SULF1: variants seen among roughly 807,000 people sequenced by gnomAD.
SULF1 encodes extracellular sulfatase Sulf-1.
Under a neutral mutation model 110.5 loss-of-function variants are expected in SULF1, and 46 were observed. The observed-to-expected ratio is 0.42, with a 90% CI of 0.33 to 0.53. The LOEUF is 0.53. Ranked by LOEUF, SULF1 falls within the 20% of genes least tolerant of loss-of-function variation. The probability of loss-of-function intolerance (pLI) is 0.12; values close to 1 mark genes in which losing one functional copy is unlikely to be tolerated. For missense variants in SULF1, 941 were observed against 1,094.2 expected, an observed-to-expected ratio of 0.86 and a Z score of 1.98; for synonymous variants, 371 against 387.1, an observed-to-expected ratio of 0.96 and a Z score of 0.49.
At chr8:69,541,155 T>A (rs1470099841) in intron 3 of SULF1, among the ~76,000 whole-genome samples, 3 of 152,116 alleles carry the variant, frequency 2.0e-5, no homozygotes, top group Admixed American at 6.5e-5. Context: ...GGATAATGTC[T>A]CCAGGCCTAT....
rs1266286545 is a variant in SULF1 at position 69,630,762 on chromosome 8, A to G, written c.2284+1083A>G. Reference sequence around the variant, plus strand: ...GTACAGGTAGAAAAAAAAGAAAGTAAATGAAACAAAATAATTATGAGTTGT... The same window carrying G: ...GTACAGGTAGAAAAAAAAGAAAGTAGATGAAACAAAATAATTATGAGTTGT... On this transcript the variant is annotated intron_variant, in intron 19 of 22. Coordinates refer to ENST00000402687, the MANE Select transcript of SULF1 (RefSeq NM_001128205.2). Among the ~76,000 whole-genome samples the G allele has an allele frequency of 7.2e-5, 11 of 152,362 alleles. No homozygotes were observed. The South Asian group carries it at 1.9e-3, about 26-fold the overall frequency.
At chr8:69,517,029 C>A (rs1394528518) in intron 3 of SULF1, among the ~76,000 whole-genome samples, 1 of 152,048 alleles carries the variant, frequency 6.6e-6, no homozygotes, top group East Asian at 1.9e-4. Context: ...TAATAGGATA[C>A]CATAGATTAA....
rs530403493 is a variant in SULF1 at position 69,496,217 on chromosome 8, T to C, written c.-229+291T>C. Among the ~76,000 whole-genome samples the C allele has an allele frequency of 2.0e-5, 3 of 152,380 alleles. No homozygotes were observed. The East Asian group carries it at 5.8e-4, about 29-fold the overall frequency. On this transcript the variant is annotated intron_variant, in intron 2 of 22. Transcript: ENST00000402687. ...AAAAGGGGCTTAGCCCCAGACTTTA[T>C]GGCTAGTCTTGCAAAGTGGTATAAT...
intron 7 of SULF1, among the ~76,000 whole-genome samples, chr8:69,588,706 CT>C (rs1024771536): frequency 8.6e-5 from 13 of 151,706 alleles, no homozygotes; most frequent in South Asian, 2.1e-4. Context: ...CACGACTTGA[CT>C]TTTTTTTTCC....
chr8:69,487,522 C>T (rs1412374407), intron 1 of SULF1, among the ~76,000 whole-genome samples: 1 of 152,180 alleles, frequency 6.6e-6, no homozygotes, highest in Non-Finnish European at 1.5e-5. Flanking sequence ...TTAATGAGGA[C>T]TATTTGTTGC....
Position 69,610,847 on chromosome 8 carries a change from T to A in SULF1, c.1377+5915T>A, listed in dbSNP as rs544442337. On this transcript the variant is annotated intron_variant, in intron 13 of 22. Transcript: ENST00000402687. ...ATGTTTCTTAAATGTTACATGTGAA[T>A]CCCACTTTCTCACTTGCATGGAGGT... Among the ~76,000 whole-genome samples the A allele has an allele frequency of 2.0e-5, 3 of 152,320 alleles. No homozygotes were observed. The South Asian group carries it at 6.2e-4, about 32-fold the overall frequency.
In SULF1 at chr8:69,538,751, G is replaced by A. The variant is rs538940942; in HGVS notation, c.-133-24788G>A. Reference sequence around the variant, plus strand: ...TCTGTCACCCAGGCTGAAGTGCAATGGTGCAATCTTGGCTCACTACAACCT... The same window carrying A: ...TCTGTCACCCAGGCTGAAGTGCAATAGTGCAATCTTGGCTCACTACAACCT... On this transcript the variant is annotated intron_variant, in intron 3 of 22. Coordinates refer to ENST00000402687, the MANE Select transcript of SULF1 (RefSeq NM_001128205.2). 2.0e-5 allele frequency among the ~76,000 whole-genome samples: 3 copies of A among 151,942 alleles called. No homozygotes were observed. The East Asian group carries it at 5.8e-4, about 29-fold the overall frequency.
chr8:69,629,381 A>G, intron 18 of SULF1, 123 bp from the exon 19 acceptor site: 2 of 995,804 alleles, frequency 2.0e-6, no homozygotes, highest in South Asian at 1.8e-5. Flanking sequence ...ATACAAAATG[A>G]AGGTCGTCCA....
intron 3 of SULF1, among the ~76,000 whole-genome samples, chr8:69,541,090 G>A (rs996764360): frequency 2.0e-5 from 3 of 152,144 alleles, no homozygotes; most frequent in African/African-American, 7.2e-5. Flanking sequence ...GGGTTTGGGA[G>A]AAGCATGATG....
At chr8:69,579,231 C>A (rs1805877846) in intron 6 of SULF1, among the ~76,000 whole-genome samples, 1 of 144,510 alleles carries the variant, frequency 6.9e-6, no homozygotes, top group South Asian at 2.3e-4. Flanking sequence ...GAAAACAAAT[C>A]TAGATTTGCC....
chr8:69,535,624 A>C (rs1813383069), intron 3 of SULF1, among the ~76,000 whole-genome samples: 1 of 152,140 alleles, frequency 6.6e-6, no homozygotes, highest in Non-Finnish European at 1.5e-5. Context: ...TTTCTGGATT[A>C]ATATAAAATC....
intron 2 of SULF1, among the ~76,000 whole-genome samples, chr8:69,501,649 G>A (rs1250606030): frequency 6.6e-6 from 1 of 152,162 alleles, no homozygotes; most frequent in Admixed American, 6.5e-5. Flanking sequence ...TCTTTTCCTT[G>A]TTGGAGAAGC....
chr8:69,559,372 C>T (rs78782048), intron 3 of SULF1, among the ~76,000 whole-genome samples: 21 of 152,206 alleles, frequency 1.4e-4, no homozygotes, highest in African/African-American at 4.3e-4. Context: ...CTGAACTATG[C>T]GAATATTCTA....
intron 3 of SULF1, among the ~76,000 whole-genome samples, chr8:69,553,289 T>G (rs1814860892): frequency 6.6e-6 from 1 of 152,262 alleles, no homozygotes; most frequent in East Asian, 1.9e-4. Flanking sequence ...AAGGATATGC[T>G]GTATGCAAGA....
chr8:69,627,001 G>A (rs1810124904), intron 15 of SULF1, among the ~76,000 whole-genome samples: 1 of 152,238 alleles, frequency 6.6e-6, no homozygotes, highest in Non-Finnish European at 1.5e-5. Flanking sequence ...AGCGAGCGAG[G>A]GCTGTGAGGA....
chr8:69,656,601 C>T (rs2130753846), intron 22 of SULF1, among the ~76,000 whole-genome samples: 1 of 152,286 alleles, frequency 6.6e-6, no homozygotes, highest in African/African-American at 2.4e-5. Context: ...TGTTAGTTTG[C>T]TGAAGATAAT....
rs201640007 is a variant in SULF1, at chr8:69,564,037, T to A, written c.62T>A (p.Leu21His). The A allele has an allele frequency of 3.2e-5, 51 of 1,614,188 alleles. No individual in the cohort carries two copies. In the East Asian group the frequency reaches 1.1e-3, roughly 35 times the overall value. The stretch of plus-strand genomic sequence containing the variant: ...CTGGGCACAGAATTGCTGGGAAGCC[T>A]CTGTTCGACTGTCAGATCCCCGAGG... ...AVLGTELLGS[L>H]CSTVRSPRFR... Residue 21 changes from leucine (L) to histidine (H), a missense_variant, in exon 5 of 23, where the codon CTC (leucine) becomes CAC (histidine). Coordinates refer to ENST00000402687, the MANE Select transcript of SULF1 (RefSeq NM_001128205.2).
chr8:69,650,328 T>C (rs1443495168), intron 22 of SULF1, among the ~76,000 whole-genome samples: 1 of 152,020 alleles, frequency 6.6e-6, no homozygotes, highest in African/African-American at 2.4e-5. Flanking sequence ...GGTAGTATTG[T>C]ACTGTAAAGA....
Position 69,628,169 on chromosome 8 carries a change from A to G in SULF1, c.2043-2A>G. 1.2e-6 allele frequency: 2 copies of G among 1,612,434 alleles called. No individual in the cohort carries two copies. Among genetic ancestry groups the G allele is most frequent in the Non-Finnish European group, 1.7e-6 (2 of 1,178,418 alleles). Reference sequence around the variant, plus strand: ...CTCACTTTTTAATCTTCTCTCCTGCAGCTATTACAATAAAGAGAAAGGTGT... The same window carrying G: ...CTCACTTTTTAATCTTCTCTCCTGCGGCTATTACAATAAAGAGAAAGGTGT... On this transcript the variant is annotated splice_acceptor_variant, in intron 17 of 22. Transcript: ENST00000402687. LOFTEE classifies it high-confidence loss of function.
Sources: gnomAD v4.1 joint callset for allele counts (sites outside exome capture counted in the v4.1 genomes callset) on GRCh38, gnomAD v4.1.1 for gene constraint, MANE v1.5 for transcripts, NCBI Gene and HGNC (gene_info 2026-07-23, HGNC 2026-07-21) for gene names.